ZMAT3: variants seen among roughly 807,000 people sequenced by gnomAD.
ZMAT3 encodes zinc finger matrin-type 3, also known as zinc finger matrin-type protein 3.
ZMAT3 carries 17 observed loss-of-function variants against 32.3 expected under a neutral mutation model. The observed-to-expected ratio is 0.53, with a 90% CI of 0.36 to 0.79. The LOEUF (loss-of-function observed/expected upper bound fraction) is 0.79, where lower values mean the gene tolerates loss of function less well. Ranked by LOEUF, ZMAT3 falls within the 30% of genes least tolerant of loss-of-function variation. ZMAT3 has a pLI of 0.00. For synonymous variants in ZMAT3, 120 were observed against 133.1 expected, an observed-to-expected ratio of 0.90 and a Z score of 0.68; for missense variants, 329 against 359.7, an observed-to-expected ratio of 0.91 and a Z score of 0.69.
intron 2 of ZMAT3, among the ~76,000 whole-genome samples, chr3:179,054,811 C>T (rs947867291): frequency 1.3e-5 from 2 of 152,230 alleles, no homozygotes; most frequent in African/African-American, 4.8e-5. Context: ...CCTGATCCAG[C>T]GAGGCGCCCA....
chr3:179,027,869 T>C, intron 3 of ZMAT3, 57 bp from the exon 4 acceptor site: 1 of 1,533,436 alleles, frequency 6.5e-7, no homozygotes, highest in Non-Finnish European at 8.8e-7. Flanking sequence ...GTTTCCTCCT[T>C]CTCCTCAAAG....
chr3:179,027,485 T>C lies in ZMAT3; in HGVS notation c.596A>G (p.Glu199Gly). ...SELGQRRARKEGNEFKMMPNR... is the reference protein window; with the variant it reads ...SELGQRRARKGGNEFKMMPNR... ...AGGCATCATCTTAAACTCATTCCCT[T>C]CTTTCCTGGCCCGCCGTTGACCCAG... The change falls in exon 5 of 6, where the codon GAA (glutamate) becomes GGA (glycine). Residue 199 changes from glutamate (E) to glycine (G), a missense_variant. Transcript: ENST00000311417. 6.2e-7 allele frequency: 1 copy of C among 1,614,218 alleles called. No individual in the cohort carries two copies. The highest frequency in any genetic ancestry group is 8.5e-7 in the Non-Finnish European group (1 of 1,180,042).
intron 1 of ZMAT3, among the ~76,000 whole-genome samples, chr3:179,069,345 C>G (rs78449398): frequency 6.6e-6 from 1 of 152,106 alleles, no homozygotes; most frequent in Admixed American, 6.6e-5. Flanking sequence ...GCCTCCCCCC[C>G]AGATGGCGCC....
intron 2 of ZMAT3, among the ~76,000 whole-genome samples, chr3:179,043,445 CA>C (rs1221690616): frequency 2.6e-5 from 4 of 152,308 alleles, no homozygotes; most frequent in Non-Finnish European, 2.9e-5. Context: ...TGATCTTTGA[CA>C]AACCTGACAA....
At chr3:179,028,986 C>A (rs543447744) in intron 3 of ZMAT3, among the ~76,000 whole-genome samples, 1 of 152,014 alleles carries the variant, frequency 6.6e-6, no homozygotes, top group African/African-American at 2.4e-5. Flanking sequence ...ATGACAAAAC[C>A]CTGTCTCTAC....
At chr3:179,032,334 C>T (rs1576842519) in intron 2 of ZMAT3, among the ~76,000 whole-genome samples, 2 of 151,888 alleles carry the variant, frequency 1.3e-5, no homozygotes, top group Admixed American at 1.3e-4. Context: ...ACTGCAGTGG[C>T]GTGATCTCGG....
At chr3:179,050,366 G>C (rs116332334) in intron 2 of ZMAT3, among the ~76,000 whole-genome samples, 1,560 of 151,820 alleles carry the variant, frequency 0.01, 27 homozygotes, top group African/African-American at 0.036. Flanking sequence ...GCATAAACTA[G>C]AAAACCTAAA....
At chr3:179,044,088 G>T (rs577082229) in intron 2 of ZMAT3, among the ~76,000 whole-genome samples, 1 of 152,300 alleles carries the variant, frequency 6.6e-6, no homozygotes, top group East Asian at 1.9e-4. Flanking sequence ...TGCTGGAGAG[G>T]ATGTGGAGAA....
At chr3:179,040,901 CA>C (rs55945452) in intron 2 of ZMAT3, among the ~76,000 whole-genome samples, 1,748 of 131,534 alleles carry the variant, frequency 0.013, 32 homozygotes, top group African/African-American at 0.041. Context: ...AAATGGAAAG[CA>C]AAAAAAAAAA....
chr3:179,052,382 CAT>C (rs1720613910), intron 2 of ZMAT3, among the ~76,000 whole-genome samples: 4 of 152,060 alleles, frequency 2.6e-5, no homozygotes, highest in Non-Finnish European at 5.9e-5. Flanking sequence ...GGGCAATAAA[CAT>C]ATGAAAAAAA....
At chr3:179,052,222 G>T (rs1336162839) in intron 2 of ZMAT3, among the ~76,000 whole-genome samples, 3 of 151,148 alleles carry the variant, frequency 2.0e-5, no homozygotes, top group Non-Finnish European at 4.4e-5. Context: ...CCATAGAGTA[G>T]GAGAAAATTT....
chr3:179,064,733 G>T (rs1353311431), intron 2 of ZMAT3, among the ~76,000 whole-genome samples: 2 of 152,102 alleles, frequency 1.3e-5, no homozygotes, highest in African/African-American at 2.4e-5. Flanking sequence ...ACCTGGCCTG[G>T]TCTTAGCCTT....
intron 2 of ZMAT3, among the ~76,000 whole-genome samples, chr3:179,063,440 T>C (rs1211263499): frequency 1.3e-5 from 2 of 152,222 alleles, no homozygotes; most frequent in African/African-American, 4.8e-5. Context: ...ATCAATCTAA[T>C]TCATGGTAGG....
intron 2 of ZMAT3, among the ~76,000 whole-genome samples, chr3:179,043,093 A>T (rs1720041728): frequency 6.6e-6 from 1 of 152,218 alleles, no homozygotes; most frequent in Non-Finnish European, 1.5e-5. Context: ...CAAATGGAAG[A>T]ACATTCCATG....
chr3:179,063,366 T>C (rs1721247174), intron 2 of ZMAT3, among the ~76,000 whole-genome samples: 1 of 152,234 alleles, frequency 6.6e-6, no homozygotes, highest in South Asian at 2.1e-4. Context: ...AATTATGAAT[T>C]AAGACCACTA....
chr3:179,034,360 G>A (rs999799624), intron 2 of ZMAT3, among the ~76,000 whole-genome samples: 4 of 152,112 alleles, frequency 2.6e-5, no homozygotes, highest in Non-Finnish European at 4.4e-5. Flanking sequence ...TCATCTTACT[G>A]GAACTCAAAG....
intron 2 of ZMAT3, 55 bp from the exon 3 acceptor site, chr3:179,031,054 A>T: frequency 6.5e-7 from 1 of 1,527,082 alleles, no homozygotes; most frequent in South Asian, 1.3e-5. Flanking sequence ...CAGTTTCAGC[A>T]ATTTCAGTTA....
chr3:179,037,339 C>A (rs1003164574), intron 2 of ZMAT3, among the ~76,000 whole-genome samples: 1 of 152,258 alleles, frequency 6.6e-6, no homozygotes, highest in Non-Finnish European at 1.5e-5. Flanking sequence ...CTGTAACACC[C>A]CTTGGGACTC....
At chr3:179,032,889 G>A (rs562003210) in intron 2 of ZMAT3, among the ~76,000 whole-genome samples, 6 of 146,802 alleles carry the variant, frequency 4.1e-5, no homozygotes, top group Non-Finnish European at 7.5e-5. Context: ...CCGCCCGGCC[G>A]CTACACCGTC....
Sources: gnomAD v4.1 joint callset for allele counts (sites outside exome capture counted in the v4.1 genomes callset) on GRCh38, gnomAD v4.1.1 for gene constraint, MANE v1.5 for transcripts, NCBI Gene and HGNC (gene_info 2026-07-23, HGNC 2026-07-21) for gene names.